DNAH9: variants seen among roughly 807,000 people sequenced by gnomAD.
The protein encoded by DNAH9 is DNAH9 variant protein.
In DNAH9, 345 loss-of-function variants were observed where a neutral mutation model predicts 471.6. That is an observed-to-expected ratio of 0.73 (90% CI 0.67 to 0.80). The LOEUF (loss-of-function observed/expected upper bound fraction) is 0.80. DNAH9 is among the 30% of genes least tolerant of loss of function. The probability of loss-of-function intolerance (pLI) is 0.00; values close to 1 mark genes in which losing one functional copy is unlikely to be tolerated. For synonymous variants in DNAH9, 2,093 were observed against 2,123.6 expected (o/e 0.99, Z 0.40); for missense variants, 5,407 against 5,609.2 (o/e 0.96, Z 1.15).
chr17:11,747,997 A>G (rs1030210177), intron 32 of DNAH9, among the ~76,000 whole-genome samples: 9 of 152,062 alleles, frequency 5.9e-5, no homozygotes, highest in African/African-American at 2.2e-4. Flanking sequence ...TGCCTTTTAG[A>G]GAGTGCATTT....
At position 11,854,308 on chromosome 17, in the gene DNAH9, T is replaced by C. The variant is rs777064513; in HGVS notation, c.9813T>C (p.Asn3271=). 1.2e-6 allele frequency: 2 copies of C among 1,614,094 alleles called. No homozygotes were observed. Among genetic ancestry groups the C allele is most frequent in the East Asian group, 2.2e-5 (1 of 44,866 alleles). ...AAAGLCSWVI[N]IVRFYEVFCD... The stretch of plus-strand genomic sequence containing the variant: ...CAGGCCTCTGCTCCTGGGTCATCAA[T>C]ATTGTGAGATTTTATGAGGTGTTCT... Residue 3271 remains asparagine (N), a synonymous_variant, in exon 50 of 69, where the codon AAT becomes AAC. Transcript: ENST00000262442.
chr17:11,699,884 G>A lies in DNAH9; in HGVS notation c.5025+1G>A, dbSNP rs771880132. Reference sequence around the variant, plus strand: ...TGAGCCCTGTGACTGCAGCGGGCAGGTAACACAGTAGCCCTTTCCCCTCCT... The same window carrying A: ...TGAGCCCTGTGACTGCAGCGGGCAGATAACACAGTAGCCCTTTCCCCTCCT... On this transcript the variant is annotated splice_donor_variant, in intron 23 of 68. Transcript: ENST00000262442. LOFTEE classifies it high-confidence loss of function. The A allele has an allele frequency of 6.2e-7, 1 of 1,613,892 alleles. No homozygotes were observed. The highest frequency in any genetic ancestry group is 8.5e-7 in the Non-Finnish European group (1 of 1,179,908).
chr17:11,925,170 G>A (rs933279846), intron 62 of DNAH9: 2 of 455,616 alleles, frequency 4.4e-6, no homozygotes, highest in Non-Finnish European at 4.4e-6. Flanking sequence ...GTAAAGAGAT[G>A]TTCCTTCTTT....
In DNAH9 at chr17:11,699,808, C is replaced by G. The variant is rs377664812; in HGVS notation, c.4950C>G (p.Thr1650=). The change falls in exon 23 of 69, where the codon ACC becomes ACG. Residue 1650 remains threonine (T), a synonymous_variant. Transcript: ENST00000262442. ...RFQLDASGEP[T]KTSLGMYSKE... is the part of the protein sequence containing the mutation. The stretch of plus-strand genomic sequence containing the variant: ...AGCTAGATGCCAGTGGGGAACCAAC[C>G]AAGACAAGCCTCGGCATGTACAGCA... 9 of 1,614,018 alleles carry G rather than the reference C, an allele frequency of 5.6e-6. No individual in the cohort carries two copies. In the African/African-American group the frequency reaches 1.1e-4, roughly 19 times the overall value.
At chr17:11,825,693 A>C (rs781717657) in intron 48 of DNAH9, among the ~76,000 whole-genome samples, 1 of 152,234 alleles carries the variant, frequency 6.6e-6, no homozygotes, top group Admixed American at 6.5e-5. Flanking sequence ...GCCACACAAA[A>C]GAATTTGAAA....
chr17:11,899,915 T>C (rs1973350016), intron 59 of DNAH9, among the ~76,000 whole-genome samples: 1 of 152,164 alleles, frequency 6.6e-6, no homozygotes, highest in African/African-American at 2.4e-5. Flanking sequence ...CCTACAAAAG[T>C]TCTTGCCCGC....
At chr17:11,926,870 A>C (rs1176592700) in intron 62 of DNAH9, among the ~76,000 whole-genome samples, 1 of 152,158 alleles carries the variant, frequency 6.6e-6, no homozygotes, top group Non-Finnish European at 1.5e-5. Flanking sequence ...TTACACTCCC[A>C]CCAACAGCAT....
intron 65 of DNAH9, among the ~76,000 whole-genome samples, chr17:11,934,531 C>T (rs187319899): frequency 8.5e-4 from 124 of 145,140 alleles, no homozygotes; most frequent in Admixed American, 2.9e-3. Flanking sequence ...CTGCAAGCTC[C>T]GCCTCCCGGG....
intron 55 of DNAH9, 126 bp from the exon 56 acceptor site, chr17:11,883,460 C>T (rs1416741582): frequency 4.0e-6 from 5 of 1,263,504 alleles, no homozygotes; most frequent in Non-Finnish European, 3.3e-6. Context: ...TGGTCTGAAG[C>T]TCTTTGCCAT....
chr17:11,720,897 T>C (rs1261169663), intron 27 of DNAH9, among the ~76,000 whole-genome samples: 10 of 152,214 alleles, frequency 6.6e-5, no homozygotes, highest in Admixed American at 6.5e-4. Flanking sequence ...TAAGTCAGGC[T>C]GGAACAGAAA....
At chr17:11,738,393 T>A (rs1567762458) in intron 28 of DNAH9, among the ~76,000 whole-genome samples, 2 of 152,180 alleles carry the variant, frequency 1.3e-5, no homozygotes, top group Non-Finnish European at 2.9e-5. Flanking sequence ...TTTTCTGTTT[T>A]GTTTTGAGAC....
At chr17:11,830,252 C>G (rs1051155535) in intron 48 of DNAH9, among the ~76,000 whole-genome samples, 1 of 152,192 alleles carries the variant, frequency 6.6e-6, no homozygotes, top group African/African-American at 2.4e-5. Context: ...TTTCACTTGT[C>G]CCTCGTTGGC....
chr17:11,811,787 A>G (rs1969911427), intron 45 of DNAH9, among the ~76,000 whole-genome samples: 2 of 151,786 alleles, frequency 1.3e-5, no homozygotes, highest in South Asian at 2.1e-4. Flanking sequence ...ACACTGTTAC[A>G]GATATGCTCT....
rs550789843 is a variant in DNAH9 at position 11,631,596 on chromosome 17, G to T, written c.1519-991G>T. ...GCAGAGGTTGCAGTGAGCCAAGATT[G>T]TGCCACTGCACTCCAGCCTGGGTGA... is the stretch of plus-strand genomic sequence containing the variant. On this transcript the variant is annotated intron_variant, in intron 7 of 68. Transcript: ENST00000262442. Among the ~76,000 whole-genome samples, 5 of 150,548 alleles carry T rather than the reference G, an allele frequency of 3.3e-5. No homozygotes were observed. In the South Asian group the frequency reaches 1.0e-3, roughly 32 times the overall value.
chr17:11,819,490 T>A (rs910568861), intron 45 of DNAH9, among the ~76,000 whole-genome samples: 1 of 152,076 alleles, frequency 6.6e-6, no homozygotes, highest in Non-Finnish European at 1.5e-5. Context: ...CAATCTCGGC[T>A]CACTGCAACC....
Position 11,822,793 on chromosome 17 carries a change from G to T in DNAH9, c.9013-8G>T. On this transcript the variant is annotated splice_polypyrimidine_tract_variant and splice_region_variant and intron_variant, in intron 47 of 68. Transcript: ENST00000262442. The stretch of plus-strand genomic sequence containing the variant: ...ATAATCTTTTCATTTCTTGCTCTTT[G>T]GTTTTAGCCCACAGTAAAGCAGTCG... 1 of 1,613,840 alleles carries T rather than the reference G, an allele frequency of 6.2e-7. No homozygotes were observed. The highest frequency in any genetic ancestry group is 8.5e-7 in the Non-Finnish European group (1 of 1,179,796).
At position 11,626,156 on chromosome 17, in the gene DNAH9, A is replaced by G. The variant is rs2072965913; in HGVS notation, c.1351-3261A>G. ...GCCATATGTTGTGTCTCTGAAGTGGATATTTCAGCCGGTGTATAACATGAT... is the reference window on the plus strand; with the variant it reads ...GCCATATGTTGTGTCTCTGAAGTGGGTATTTCAGCCGGTGTATAACATGAT... On this transcript the variant is annotated intron_variant, in intron 6 of 68. Coordinates refer to ENST00000262442, the MANE Select transcript of DNAH9 (RefSeq NM_001372.4). This position sits in a 1 kb window ranked among gnomAD's most constrained non-coding sequence, Gnocchi z 4.3. 6.6e-6 allele frequency among the ~76,000 whole-genome samples: 1 copy of G among 152,170 alleles called. No homozygotes were observed. The highest frequency in any genetic ancestry group is 1.5e-5 in the Non-Finnish European group (1 of 68,024).
At chr17:11,662,106 G>T (rs1325001037) in intron 14 of DNAH9, among the ~76,000 whole-genome samples, 1 of 151,966 alleles carries the variant, frequency 6.6e-6, no homozygotes, top group African/African-American at 2.4e-5. Context: ...TTATAGTTTT[G>T]CTTTCTTTTG....
rs1467423956 is a variant in DNAH9 at position 11,636,636 on chromosome 17, G to A, written c.1638G>A (p.Leu546=). 1 of 1,613,318 alleles carries A rather than the reference G, an allele frequency of 6.2e-7. No homozygotes were observed. Among genetic ancestry groups the A allele is most frequent in the Non-Finnish European group, 8.5e-7 (1 of 1,179,412 alleles). ...TTTTTCCTCCACCTTCCCTACAGCT[G>A]CTAGACATAGCAGGAAACCTCCTTG... ...DAPGLEHAFK[L]LDIAGNLLER... is the part of the protein sequence containing the mutation. Residue 546 remains leucine (L), a splice_region_variant and synonymous_variant, in exon 9 of 69, where the codon CTG becomes CTA. Transcript: ENST00000262442.
Sources: gnomAD v4.1 joint callset for allele counts (sites outside exome capture counted in the v4.1 genomes callset) on GRCh38, gnomAD v4.1.1 for gene constraint, Gnocchi (gnomAD v3.1) non-coding constraint, MANE v1.5 for transcripts, NCBI Gene and HGNC (gene_info 2026-07-23, HGNC 2026-07-21) for gene names.